The following UBE2E2 variants were observed in gnomAD, a reference collection of about 807,000 sequenced individuals.
UBE2E2 encodes ubiquitin-conjugating enzyme E2 E2.
UBE2E2 carries 6 observed loss-of-function variants against 24.7 expected under a neutral mutation model. The observed-to-expected ratio is 0.24, with a 90% CI of 0.13 to 0.48. The LOEUF is 0.48. UBE2E2 is among the 20% of genes least tolerant of loss of function. UBE2E2 has a pLI of 0.99. For synonymous variants in UBE2E2, 104 were observed against 83.6 expected, an observed-to-expected ratio of 1.24 and a Z score of -1.33; for missense variants, 169 against 245.0, an observed-to-expected ratio of 0.69 and a Z score of 2.07.
At chr3:23,342,534 C>T (rs568471453) in intron 3 of UBE2E2, among the ~76,000 whole-genome samples, 1 of 152,228 alleles carries the variant, frequency 6.6e-6, no homozygotes, top group South Asian at 2.1e-4. Context: ...TTTCTGTGGT[C>T]GTAGGCTACA....
At chr3:23,328,183 A>G (rs1323687260) in intron 3 of UBE2E2, among the ~76,000 whole-genome samples, 1 of 152,216 alleles carries the variant, frequency 6.6e-6, no homozygotes. Flanking sequence ...GGCATGCAGT[A>G]ATCTTGACAA....
chr3:23,426,027 A>G (rs1055119043), intron 3 of UBE2E2, among the ~76,000 whole-genome samples: 2 of 152,224 alleles, frequency 1.3e-5, no homozygotes, highest in South Asian at 2.1e-4. Context: ...CAGATGGGCA[A>G]TGTAAGCAGA....
intron 3 of UBE2E2, among the ~76,000 whole-genome samples, chr3:23,298,140 A>G (rs1698964606): frequency 1.3e-5 from 2 of 152,202 alleles, no homozygotes; most frequent in South Asian, 2.1e-4. Flanking sequence ...TTGAATTTGT[A>G]TCCTGAGACT....
intron 3 of UBE2E2, among the ~76,000 whole-genome samples, chr3:23,451,716 C>G (rs895736555): frequency 1.3e-5 from 2 of 152,128 alleles, no homozygotes; most frequent in African/African-American, 4.8e-5. Context: ...GTAATTCAAA[C>G]TTGATTCTCA....
chr3:23,462,883 G>A (rs1304214066), intron 3 of UBE2E2, among the ~76,000 whole-genome samples: 1 of 152,084 alleles, frequency 6.6e-6, no homozygotes, highest in African/African-American at 2.4e-5. Flanking sequence ...ACCACTCTGT[G>A]CCTTAGTTTC....
intron 3 of UBE2E2, among the ~76,000 whole-genome samples, chr3:23,431,291 T>C (rs1698054579): frequency 1.3e-5 from 2 of 152,194 alleles, no homozygotes; most frequent in African/African-American, 4.8e-5. Flanking sequence ...AAGATGAATC[T>C]GTTTGCTAAG....
chr3:23,355,383 A>C (rs1371896344), intron 3 of UBE2E2, among the ~76,000 whole-genome samples: 2 of 152,264 alleles, frequency 1.3e-5, no homozygotes, highest in South Asian at 4.2e-4. Flanking sequence ...AATAATAATG[A>C]AAGACAAAAA....
At position 23,412,447 on chromosome 3, in the gene UBE2E2, GCTAA is replaced by G. The variant is rs777212247; in HGVS notation, c.228-87160_228-87157del. On this transcript the variant is annotated intron_variant, in intron 3 of 5. Coordinates refer to ENST00000396703, the MANE Select transcript of UBE2E2 (RefSeq NM_152653.4). The stretch of plus-strand genomic sequence containing the variant: ...GCGCTCTTTGCAGTTGATGTTTCCT[GCTAA>G]GCATTTTTGAAGAGCTAAAACTATT... Among the ~76,000 whole-genome samples, 18 of 77,312 alleles carry G rather than the reference GCTAA, an allele frequency of 2.3e-4. No homozygotes were observed. The East Asian group carries it at 8.0e-3, about 35-fold the overall frequency. 50.7% of individuals were successfully genotyped at this position (77,312 alleles called of 152,430 possible).
chr3:23,496,815 G>A (rs1222443252), intron 3 of UBE2E2, among the ~76,000 whole-genome samples: 7 of 152,170 alleles, frequency 4.6e-5, no homozygotes, highest in Non-Finnish European at 8.8e-5. Flanking sequence ...TAGGTGTACA[G>A]TTGACCCTTG....
chr3:23,429,909 C>T (rs1046527463), intron 3 of UBE2E2, among the ~76,000 whole-genome samples: 2 of 152,144 alleles, frequency 1.3e-5, no homozygotes, highest in African/African-American at 4.8e-5. Context: ...GAGATGGAGT[C>T]TCGGCCTGTT....
intron 3 of UBE2E2, among the ~76,000 whole-genome samples, chr3:23,337,995 AG>A (rs1482611664): frequency 6.6e-6 from 1 of 152,200 alleles, no homozygotes; most frequent in Non-Finnish European, 1.5e-5. Context: ...TGGTACCTTG[AG>A]GGAGAAAAGT....
chr3:23,285,826 A>G (rs957772766), intron 3 of UBE2E2, among the ~76,000 whole-genome samples: 2 of 152,056 alleles, frequency 1.3e-5, no homozygotes, highest in African/African-American at 2.4e-5. Flanking sequence ...TCGAATAGCT[A>G]GGAGGATTAC....
intron 5 of UBE2E2, among the ~76,000 whole-genome samples, chr3:23,541,816 T>C (rs1271578793): frequency 6.6e-6 from 1 of 152,220 alleles, no homozygotes; most frequent in African/African-American, 2.4e-5. Flanking sequence ...TATGTGCCTA[T>C]AGGCTGATGT....
At chr3:23,401,051 T>C (rs751238709) in intron 3 of UBE2E2, among the ~76,000 whole-genome samples, 1 of 152,226 alleles carries the variant, frequency 6.6e-6, no homozygotes, top group Admixed American at 6.5e-5. Flanking sequence ...AATGGTTGAC[T>C]AGGGAAGGCC....
At chr3:23,514,229 T>A (rs1694676887) in intron 4 of UBE2E2, among the ~76,000 whole-genome samples, 1 of 152,200 alleles carries the variant, frequency 6.6e-6, no homozygotes, top group African/African-American at 2.4e-5. Context: ...GAGAGGTACA[T>A]TTTCTGACCA....
At chr3:23,438,941 T>A (rs1388900987) in intron 3 of UBE2E2, among the ~76,000 whole-genome samples, 1 of 152,212 alleles carries the variant, frequency 6.6e-6, no homozygotes, top group Non-Finnish European at 1.5e-5. Flanking sequence ...GCAAGGATAT[T>A]TGAATACTAC....
At chr3:23,391,088 G>A (rs1696923029) in intron 3 of UBE2E2, among the ~76,000 whole-genome samples, 1 of 152,032 alleles carries the variant, frequency 6.6e-6, no homozygotes, top group African/African-American at 2.4e-5. Context: ...ATTCTATGTG[G>A]TTAGGTATAT....
At chr3:23,254,124 A>C (rs1177146806) in intron 3 of UBE2E2, among the ~76,000 whole-genome samples, 2 of 152,224 alleles carry the variant, frequency 1.3e-5, no homozygotes, top group African/African-American at 4.8e-5. Context: ...TATTTTATGG[A>C]GTGCTTATAA....
Position 23,331,806 on chromosome 3 carries a change from A to G in UBE2E2, c.227+114494A>G, listed in dbSNP as rs183147717. 2.2e-4 allele frequency among the ~76,000 whole-genome samples: 33 copies of G among 152,246 alleles called. No homozygotes were observed. In the South Asian group the frequency reaches 4.2e-3, roughly 19 times the overall value. The stretch of plus-strand genomic sequence containing the variant: ...GACTTTGGTTTATGTGAGATGAGAA[A>G]TCACTAAGGGTTTTGAACAGAGTAG... On this transcript the variant is annotated intron_variant, in intron 3 of 5. Transcript: ENST00000396703.
Sources: allele counts gnomAD v4.1 joint callset (sites outside exome capture counted in the v4.1 genomes callset), GRCh38; gene constraint gnomAD v4.1.1; transcripts MANE v1.5; gene names NCBI Gene and HGNC (gene_info 2026-07-23, HGNC 2026-07-21).